FYN: variants seen among roughly 807,000 people sequenced by gnomAD.
FYN encodes the protein tyrosine-protein kinase Fyn.
FYN carries 10 observed loss-of-function variants against 70.2 expected under a neutral mutation model. That is an observed-to-expected ratio of 0.14 (90% CI 0.09 to 0.24). The LOEUF (loss-of-function observed/expected upper bound fraction) is 0.24. FYN is among the 10% of genes least tolerant of loss of function. The pLI is 1.00. For synonymous variants in FYN, 236 were observed against 248.6 expected (o/e 0.95, Z 0.48); for missense variants, 319 against 673.1 (o/e 0.47, Z 5.82).
At position 111,826,189 on chromosome 6, in the gene FYN, C is replaced by T. The variant is rs550800573; in HGVS notation, c.-82+20400G>A. Among the ~76,000 whole-genome samples the T allele has an allele frequency of 3.9e-5, 6 of 152,168 alleles. No homozygotes were observed. In the South Asian group the frequency reaches 6.2e-4, roughly 16 times the overall value. ...GGATTTCTGTGAGTTGCTAGCATTT[C>T]GGTGTTTCAGTTTTTTCCCTTGTGA... is the stretch of plus-strand genomic sequence containing the variant. On this transcript the variant is annotated intron_variant, in intron 2 of 13. Transcript: ENST00000354650.
At chr6:111,722,341 G>A (rs1355226473) in intron 3 of FYN, among the ~76,000 whole-genome samples, 1 of 152,156 alleles carries the variant, frequency 6.6e-6, no homozygotes, top group Non-Finnish European at 1.5e-5. Context: ...AAATGGATAT[G>A]ATTTTAACAA....
At chr6:111,833,507 C>G (rs1013702928) in intron 2 of FYN, among the ~76,000 whole-genome samples, 3 of 152,148 alleles carry the variant, frequency 2.0e-5, no homozygotes, top group African/African-American at 7.2e-5. Context: ...TCAGGGAAAA[C>G]TGAGTGAAAA....
At chr6:111,709,326 C>T (rs750116375) in intron 5 of FYN, among the ~76,000 whole-genome samples, 7 of 152,160 alleles carry the variant, frequency 4.6e-5, no homozygotes, top group Admixed American at 2.0e-4. Flanking sequence ...TCAGCCTCCA[C>T]ATTAAACTCA....
intron 3 of FYN, among the ~76,000 whole-genome samples, chr6:111,730,051 A>G (rs886795971): frequency 1.3e-5 from 2 of 152,162 alleles, no homozygotes. Context: ...AGAGGGAGAG[A>G]CTGACTGATT....
At position 111,674,640 on chromosome 6, in the gene FYN, G is replaced by T. The variant is rs780046906; in HGVS notation, c.1274-10C>A. ...ATGGGGAACTTTGCACCTGCAGAAT[G>T]AACACTTGGTTATTCATCAGGCAGA... is the stretch of plus-strand genomic sequence containing the variant. On this transcript the variant is annotated splice_polypyrimidine_tract_variant and intron_variant, in intron 12 of 13. Transcript: ENST00000354650. 6.2e-7 allele frequency: 1 copy of T among 1,611,942 alleles called. No individual in the cohort carries two copies. Among genetic ancestry groups the T allele is most frequent in the African/African-American group, 1.3e-5 (1 of 74,854 alleles).
intron 12 of FYN, among the ~76,000 whole-genome samples, chr6:111,687,660 G>GAA (rs1262763099): frequency 6.6e-6 from 1 of 151,532 alleles, no homozygotes; most frequent in East Asian, 1.9e-4. Context: ...GAGAGAGAGA[G>GAA]AAACACAGCT....
chr6:111,832,818 C>T (rs7761071), intron 2 of FYN, among the ~76,000 whole-genome samples: 32,647 of 151,940 alleles, frequency 0.21, 5,622 homozygotes, highest in African/African-American at 0.49. Context: ...TAATTAAAAA[C>T]TCTGACAGAA....
chr6:111,705,928 G>A lies in FYN; in HGVS notation c.444-1826C>T, dbSNP rs553921481. On this transcript the variant is annotated intron_variant, in intron 6 of 13. Coordinates refer to ENST00000354650, the MANE Select transcript of FYN (RefSeq NM_002037.5). ...CCTCCCAAGTGCTGGGATTACAGGA[G>A]GGAGCCATCACGGTGGACCCTGTAC... 3.7e-4 allele frequency among the ~76,000 whole-genome samples: 57 copies of A among 152,294 alleles called. No individual in the cohort carries two copies. The South Asian group carries it at 0.012, about 31-fold the overall frequency.
chr6:111,707,849 A>G, intron 6 of FYN, 73 bp downstream of exon 6: 1 of 1,200,220 alleles, frequency 8.3e-7, no homozygotes, highest in Non-Finnish European at 1.2e-6. Context: ...CTCCTGCCCA[A>G]TGCTGATGGC....
chr6:111,800,222 G>T (rs1771940889), intron 2 of FYN, among the ~76,000 whole-genome samples: 1 of 152,026 alleles, frequency 6.6e-6, no homozygotes, highest in African/African-American at 2.4e-5. Flanking sequence ...AAATTCCCAG[G>T]GTTTAGTGGA....
rs1583272824 is a variant in FYN at position 111,660,596 on chromosome 6, C to T, written c.*1143G>A. The T allele has an allele frequency of 1.3e-5, 2 of 152,132 alleles. No individual in the cohort carries two copies. Among genetic ancestry groups the T allele is most frequent in the African/African-American group, 2.4e-5 (1 of 41,418 alleles). The allele number at this position is 152,132 out of a possible 1,614,324, so 9.4% of individuals were successfully genotyped here. A position where few individuals can be genotyped will look rare whatever the true frequency, so the allele number is the denominator to read the frequency against. On this transcript the variant is annotated 3_prime_UTR_variant, in exon 14 of 14. Coordinates refer to ENST00000354650, the MANE Select transcript of FYN (RefSeq NM_002037.5). ...AAATGTAAAGTAGTGCATAGTTATT[C>T]CACTGGAGAACTCCTGGACATATAG...
intron 3 of FYN, among the ~76,000 whole-genome samples, chr6:111,727,996 G>A (rs1801267722): frequency 1.3e-5 from 2 of 152,188 alleles, no homozygotes; most frequent in Admixed American, 1.3e-4. Flanking sequence ...AGAAATGGAA[G>A]CATCAGACCC....
intron 2 of FYN, among the ~76,000 whole-genome samples, chr6:111,796,097 C>A (rs1489626599): frequency 6.6e-6 from 1 of 152,136 alleles, no homozygotes; most frequent in African/African-American, 2.4e-5. Context: ...TAGAAGAAAT[C>A]ATTTAACTTG....
intron 3 of FYN, among the ~76,000 whole-genome samples, chr6:111,771,056 T>C (rs1803433195): frequency 6.6e-6 from 1 of 152,132 alleles, no homozygotes; most frequent in African/African-American, 2.4e-5. Context: ...CTAGAGAAGC[T>C]CTTTACCTGC....
At chr6:111,697,859 C>G (rs1426907301) in intron 9 of FYN, among the ~76,000 whole-genome samples, 2 of 152,092 alleles carry the variant, frequency 1.3e-5, no homozygotes, top group Non-Finnish European at 2.9e-5. Context: ...GGGTCCAATT[C>G]TCTGTGATTG....
rs1394630011 is a variant in FYN at position 111,801,514 on chromosome 6, T to C, written c.-81-20879A>G. On this transcript the variant is annotated intron_variant, in intron 2 of 13. Coordinates refer to ENST00000354650, the MANE Select transcript of FYN (RefSeq NM_002037.5). ...AGACATTTGTTGGCTAGGGAAATGA[T>C]TGGTTGGATAATGCTGGAATACCAA... 3.9e-5 allele frequency among the ~76,000 whole-genome samples: 6 copies of C among 152,178 alleles called. No individual in the cohort carries two copies. In the East Asian group the frequency reaches 1.2e-3, roughly 29 times the overall value.
At chr6:111,668,220 A>G (rs924401839) in intron 13 of FYN, among the ~76,000 whole-genome samples, 1 of 152,252 alleles carries the variant, frequency 6.6e-6, no homozygotes, top group Non-Finnish European at 1.5e-5. Context: ...AATAACCGTG[A>G]CACTGAGTTA....
intron 3 of FYN, among the ~76,000 whole-genome samples, chr6:111,779,624 G>A (rs1217715721): frequency 6.6e-6 from 1 of 152,148 alleles, no homozygotes; most frequent in Non-Finnish European, 1.5e-5. Flanking sequence ...TGGAGAAGGT[G>A]GTAAATGTTG....
intron 12 of FYN, among the ~76,000 whole-genome samples, chr6:111,684,626 C>G (rs1210190916): frequency 6.6e-6 from 1 of 152,150 alleles, no homozygotes; most frequent in African/African-American, 2.4e-5. Context: ...CCTAGAGGAG[C>G]CAGGAAGTGA....
Sources: gnomAD v4.1 joint callset for allele counts (sites outside exome capture counted in the v4.1 genomes callset) on GRCh38, gnomAD v4.1.1 for gene constraint, MANE v1.5 for transcripts, NCBI Gene and HGNC (gene_info 2026-07-23, HGNC 2026-07-21) for gene names.